Variants in CLNK observed in about 807,000 individuals in gnomAD.
CLNK encodes the protein cytokine-dependent hematopoietic cell linker.
CLNK carries 74 observed loss-of-function variants against 68.6 expected under a neutral mutation model. The ratio of observed to expected loss-of-function variants is 1.08; its 90% CI spans 0.89 to 1.31. The LOEUF (loss-of-function observed/expected upper bound fraction) is 1.31. Ranked by LOEUF, CLNK falls within the 50% of genes most tolerant of loss-of-function variation. The pLI, the probability that CLNK is intolerant of heterozygous loss-of-function variation, is 0.00. For missense variants in CLNK, 553 were observed against 515.3 expected (o/e 1.07, Z -0.71); for synonymous variants, 198 against 172.2 (o/e 1.15, Z -1.17).
chr4:10,613,233 G>C (rs1293896004), intron 2 of CLNK, among the ~76,000 whole-genome samples: 2 of 152,156 alleles, frequency 1.3e-5, no homozygotes, highest in Non-Finnish European at 2.9e-5. Context: ...GAGCAGGTGG[G>C]GGAATCAGAG....
intron 2 of CLNK, among the ~76,000 whole-genome samples, chr4:10,666,127 C>T (rs1577207113): frequency 6.6e-6 from 1 of 152,290 alleles, no homozygotes; most frequent in East Asian, 1.9e-4. Flanking sequence ...CCTCTGGGAG[C>T]TGAACAAGAC....
At chr4:10,627,460 A>G (rs1419536206) in intron 2 of CLNK, among the ~76,000 whole-genome samples, 1 of 152,184 alleles carries the variant, frequency 6.6e-6, no homozygotes, top group Non-Finnish European at 1.5e-5. Context: ...ATTTAATATC[A>G]TTGGCATTGG....
At chr4:10,617,664 C>A (rs1415141865) in intron 2 of CLNK, among the ~76,000 whole-genome samples, 1 of 152,156 alleles carries the variant, frequency 6.6e-6, no homozygotes, top group East Asian at 1.9e-4. Context: ...ACTTTTGAAG[C>A]TTATGGTTTG....
chr4:10,516,064 A>T (rs962654485), intron 15 of CLNK, among the ~76,000 whole-genome samples: 139 of 149,910 alleles, frequency 9.3e-4, no homozygotes, highest in East Asian at 2.1e-3. Flanking sequence ...AATAATAAAA[A>T]TTTTTTTTTT....
chr4:10,671,219 T>C (rs1426928384), intron 1 of CLNK, among the ~76,000 whole-genome samples: 1 of 152,024 alleles, frequency 6.6e-6, no homozygotes, highest in Non-Finnish European at 1.5e-5. Context: ...AACCCGTCTC[T>C]ACTAAAAATA....
chr4:10,566,802 AG>A (rs1720133445), intron 5 of CLNK, among the ~76,000 whole-genome samples: 5 of 152,286 alleles, frequency 3.3e-5, no homozygotes, highest in Admixed American at 3.3e-4. Flanking sequence ...TGGGCAACAG[AG>A]TGAGACCTCA....
chr4:10,654,630 A>G (rs1201937498), intron 2 of CLNK, among the ~76,000 whole-genome samples: 1 of 151,560 alleles, frequency 6.6e-6, no homozygotes, highest in African/African-American at 2.4e-5. Flanking sequence ...TTACTTATAG[A>G]TGATATAATT....
At position 10,684,522 on chromosome 4, in the gene CLNK, T is replaced by C. The variant is rs533557571; in HGVS notation, c.-43+146A>G. On this transcript the variant is annotated intron_variant, in intron 1 of 18. Coordinates refer to ENST00000226951, the MANE Select transcript of CLNK (RefSeq NM_052964.4). ...AACAATTGAGTTAAGGGCTTTCTTC[T>C]TGCTCCTTTGATGCTATATATAAGG... The C allele has an allele frequency of 2.0e-5, 3 of 152,366 alleles. No individual in the cohort carries two copies. In the South Asian group the frequency reaches 6.2e-4, roughly 32 times the overall value. 9.4% of individuals were successfully genotyped at this position (152,366 alleles called of 1,614,324 possible).
chr4:10,539,219 A>AGGAG (rs1326513017), intron 11 of CLNK, among the ~76,000 whole-genome samples: 3 of 152,218 alleles, frequency 2.0e-5, no homozygotes, highest in African/African-American at 7.2e-5. Context: ...GGGACAGAAA[A>AGGAG]GGAGGGCATT....
At chr4:10,696,256 C>T in the CLNK span, among the ~76,000 whole-genome samples, 4 of 152,060 alleles carry the variant, frequency 2.6e-5, no homozygotes, top group South Asian at 2.1e-4. Flanking sequence ...TTGGCCTTGC[C>T]GTTCTTTGGT....
At chr4:10,674,441 G>A (rs982021737) in intron 1 of CLNK, among the ~76,000 whole-genome samples, 2 of 152,120 alleles carry the variant, frequency 1.3e-5, no homozygotes, top group Non-Finnish European at 2.9e-5. Flanking sequence ...TAGGCAAAAG[G>A]GCCAGAATAT....
chr4:10,704,701 A>G, the CLNK span, among the ~76,000 whole-genome samples: 1 of 152,296 alleles, frequency 6.6e-6, no homozygotes, highest in Non-Finnish European at 1.5e-5. Flanking sequence ...CACAGGGTCA[A>G]GCCCCCCTGT....
At chr4:10,670,954 C>G (rs1052586058) in intron 1 of CLNK, among the ~76,000 whole-genome samples, 1 of 152,164 alleles carries the variant, frequency 6.6e-6, no homozygotes, top group Admixed American at 6.5e-5. Context: ...TTGGTAATAT[C>G]AGTGCTTATT....
chr4:10,711,139 C>G, the CLNK span, among the ~76,000 whole-genome samples: 5 of 152,124 alleles, frequency 3.3e-5, no homozygotes, highest in Admixed American at 3.3e-4. Context: ...GCAGCATACT[C>G]CTCTGTCTCT....
intron 1 of CLNK, among the ~76,000 whole-genome samples, chr4:10,676,046 AGT>A (rs34091285): frequency 0.53 from 79,239 of 148,572 alleles, 20,874 homozygotes; most frequent in East Asian, 0.7. Flanking sequence ...GAGCCAGAAG[AGT>A]GTGTGTGTGT....
the CLNK span, among the ~76,000 whole-genome samples, chr4:10,715,998 G>A: frequency 6.6e-6 from 1 of 152,190 alleles, no homozygotes; most frequent in African/African-American, 2.4e-5. Flanking sequence ...AGCCTCCGCT[G>A]TTTGAGAAGG....
At chr4:10,644,589 G>A (rs1723438557) in intron 2 of CLNK, among the ~76,000 whole-genome samples, 1 of 151,972 alleles carries the variant, frequency 6.6e-6, no homozygotes, top group East Asian at 1.9e-4. Flanking sequence ...AGAAGAACAG[G>A]GTGAGACACA....
rs1716428654 is a variant in CLNK at position 10,488,147 on chromosome 4, G to A, written c.*2320C>T. 6.6e-6 allele frequency: 1 copy of A among 151,942 alleles called. No homozygotes were observed. The highest frequency in any genetic ancestry group is 1.5e-5 in the Non-Finnish European group (1 of 67,976). 9.4% of individuals were successfully genotyped at this position (151,942 alleles called of 1,614,324 possible). A position where few individuals can be genotyped will look rare whatever the true frequency, so the allele number is the denominator to read the frequency against. ...CCCCTCATTCTTGCTGTCATCTTAA[G>A]GATGCTGAATTTCTACTTCTTTTTT... On this transcript the variant is annotated 3_prime_UTR_variant, in exon 19 of 19. Coordinates refer to ENST00000226951, the MANE Select transcript of CLNK (RefSeq NM_052964.4).
At chr4:10,532,555 AATC>A (rs766302016) in intron 11 of CLNK, among the ~76,000 whole-genome samples, 6 of 152,260 alleles carry the variant, frequency 3.9e-5, no homozygotes, top group East Asian at 1.9e-4. Context: ...GAAATTAAAA[AATC>A]ATCATTTCTC....
Sources: allele counts gnomAD v4.1 joint callset (sites outside exome capture counted in the v4.1 genomes callset), GRCh38; gene constraint gnomAD v4.1.1; transcripts MANE v1.5; gene names NCBI Gene and HGNC (gene_info 2026-07-23, HGNC 2026-07-21).